TUSC3: variants seen among roughly 807,000 people sequenced by gnomAD.
TUSC3 encodes tumor suppressor candidate 3.
Under a neutral mutation model 44.8 loss-of-function variants are expected in TUSC3, and 45 were observed. The observed-to-expected ratio is 1.00, with a 90% CI of 0.79 to 1.29. The LOEUF (loss-of-function observed/expected upper bound fraction) is 1.29. TUSC3 is among the 50% of genes most tolerant of loss of function. The pLI, the probability that TUSC3 is intolerant of heterozygous loss-of-function variation, is 0.00. For missense variants in TUSC3, 519 were observed against 437.9 expected (o/e 1.19, Z -1.65); for synonymous variants, 212 against 152.9 (o/e 1.39, Z -2.85).
chr8:15,828,681 C>G, the TUSC3 span, among the ~76,000 whole-genome samples: 1 of 152,148 alleles, frequency 6.6e-6, no homozygotes, highest in African/African-American at 2.4e-5. Context: ...CAGTAAAACA[C>G]ATTGTAAATA....
chr8:15,698,704 A>G (rs1268413581), intron 6 of TUSC3, among the ~76,000 whole-genome samples: 1 of 152,178 alleles, frequency 6.6e-6, no homozygotes, highest in Non-Finnish European at 1.5e-5. Context: ...CTAGGTGAAA[A>G]TGAAATGTTT....
chr8:15,768,585 C>A (rs117838977), downstream of TUSC3, among the ~76,000 whole-genome samples: 123 of 152,062 alleles, frequency 8.1e-4, 3 homozygotes, highest in East Asian at 0.021. Context: ...AATGATTTAT[C>A]ATTAAATAAA....
chr8:15,463,721 A>C (rs1414539997), intron 1 of TUSC3, among the ~76,000 whole-genome samples: 1 of 152,166 alleles, frequency 6.6e-6, no homozygotes, highest in Non-Finnish European at 1.5e-5. Context: ...AGAGAATATA[A>C]AGGGAAAACT....
chr8:15,575,936 AT>A (rs1354934492), intron 1 of TUSC3, among the ~76,000 whole-genome samples: 1 of 151,098 alleles, frequency 6.6e-6, no homozygotes, highest in Non-Finnish European at 1.5e-5. Flanking sequence ...AATCAAATTT[AT>A]GGTTTATATA....
intron 1 of TUSC3, among the ~76,000 whole-genome samples, chr8:15,441,282 C>G (rs1800017769): frequency 1.3e-5 from 2 of 152,116 alleles, no homozygotes; most frequent in African/African-American, 4.8e-5. Context: ...TGGCACGTGG[C>G]TGTAATCCCA....
the TUSC3 span, among the ~76,000 whole-genome samples, chr8:15,841,138 T>C: frequency 4.6e-5 from 7 of 152,234 alleles, no homozygotes; most frequent in Admixed American, 3.3e-4. Context: ...ATTGTTCATA[T>C]GTTCTTTGGT....
intron 3 of TUSC3, among the ~76,000 whole-genome samples, chr8:15,659,045 T>C (rs371348754): frequency 6.6e-6 from 1 of 152,162 alleles, no homozygotes; most frequent in Non-Finnish European, 1.5e-5. Context: ...TAATAGGGAA[T>C]TCAATCTACT....
intron 2 of TUSC3, among the ~76,000 whole-genome samples, chr8:15,507,177 C>G (rs142044185): frequency 4.6e-5 from 7 of 152,310 alleles, no homozygotes; most frequent in African/African-American, 1.7e-4. Context: ...ATAGTCCAAA[C>G]TATAGAGGAA....
At chr8:15,454,864 C>A (rs1159801570) in intron 1 of TUSC3, among the ~76,000 whole-genome samples, 1 of 152,018 alleles carries the variant, frequency 6.6e-6, no homozygotes, top group Non-Finnish European at 1.5e-5. Flanking sequence ...CTGAATATTA[C>A]CTTTTGAGGC....
chr8:15,426,860 C>T (rs1799809843), intron 1 of TUSC3, among the ~76,000 whole-genome samples: 1 of 152,184 alleles, frequency 6.6e-6, no homozygotes, highest in African/African-American at 2.4e-5. Flanking sequence ...CAGCATTGTA[C>T]AAGGGTTCCA....
intron 2 of TUSC3, among the ~76,000 whole-genome samples, chr8:15,519,904 C>G (rs1328714767): frequency 6.6e-6 from 1 of 152,156 alleles, no homozygotes; most frequent in Non-Finnish European, 1.5e-5. Context: ...GCCATATTGT[C>G]ATAGCTACTA....
upstream of TUSC3, among the ~76,000 whole-genome samples, chr8:15,537,809 AGAT>A (rs1424709331): frequency 6.6e-6 from 1 of 152,194 alleles, no homozygotes; most frequent in Non-Finnish European, 1.5e-5. Context: ...AGAAAGGGAA[AGAT>A]GATGAGTTGT....
At chr8:15,782,086 G>T in the TUSC3 span, among the ~76,000 whole-genome samples, 1 of 152,200 alleles carries the variant, frequency 6.6e-6, no homozygotes, top group Non-Finnish European at 1.5e-5. Flanking sequence ...AGTGAGCCGA[G>T]ATCGTGCCAC....
In TUSC3 at chr8:15,602,582, G is replaced by C. The variant is rs578261480; in HGVS notation, c.139-20498G>C. 5.3e-5 allele frequency among the ~76,000 whole-genome samples: 8 copies of C among 151,512 alleles called. No homozygotes were observed. In the South Asian group the frequency reaches 1.7e-3, roughly 32 times the overall value. On this transcript the variant is annotated intron_variant, in intron 1 of 10. Transcript: ENST00000503731. ...GACAGGCACAAGTACCTGTCTTTGT[G>C]ATACTGTGCAAATTGCCTAATCTTG...
chr8:15,508,261 AAAAAC>A (rs998901874), intron 2 of TUSC3, among the ~76,000 whole-genome samples: 4 of 152,214 alleles, frequency 2.6e-5, no homozygotes, highest in South Asian at 2.1e-4. Context: ...AACAAAAACA[AAAAAC>A]AAAACAAAAC....
At chr8:15,503,172 G>A (rs770074871) in intron 2 of TUSC3, among the ~76,000 whole-genome samples, 3 of 152,004 alleles carry the variant, frequency 2.0e-5, no homozygotes, top group Admixed American at 6.6e-5. Context: ...AGATTATTAC[G>A]GTGGGCCTTA....
chr8:15,820,002 T>G, the TUSC3 span, among the ~76,000 whole-genome samples: 1 of 152,182 alleles, frequency 6.6e-6, no homozygotes, highest in Admixed American at 6.5e-5. Context: ...TGACTACATG[T>G]TTTTCTTATA....
At chr8:15,510,873 A>G (rs1775279838) in intron 2 of TUSC3, among the ~76,000 whole-genome samples, 2 of 152,216 alleles carry the variant, frequency 1.3e-5, no homozygotes, top group South Asian at 4.1e-4. Flanking sequence ...GAATCACTTT[A>G]AAATTGGCAG....
At chr8:15,640,245 C>G (rs1806304965) in intron 2 of TUSC3, among the ~76,000 whole-genome samples, 1 of 152,208 alleles carries the variant, frequency 6.6e-6, no homozygotes, top group Non-Finnish European at 1.5e-5. Context: ...CTGGTAGAAA[C>G]ACTTTACACG....
Sources: gnomAD v4.1 joint callset for allele counts (sites outside exome capture counted in the v4.1 genomes callset) on GRCh38, gnomAD v4.1.1 for gene constraint, MANE v1.5 for transcripts, NCBI Gene and HGNC (gene_info 2026-07-23, HGNC 2026-07-21) for gene names.